Variants in FIGLA observed in about 807,000 individuals in gnomAD.
FIGLA encodes folliculogenesis specific bHLH transcription factor, also known as factor in the germline alpha.
FIGLA carries 17 observed loss-of-function variants against 21.5 expected under a neutral mutation model. That is an observed-to-expected ratio of 0.79 (90% CI 0.54 to 1.19). The LOEUF is 1.19. FIGLA is among the 50% of genes most tolerant of loss of function. The probability of loss-of-function intolerance (pLI) is 0.00; values close to 1 mark genes in which losing one functional copy is unlikely to be tolerated. For missense variants in FIGLA, 282 were observed against 285.0 expected, an observed-to-expected ratio of 0.99 and a Z score of 0.08; for synonymous variants, 129 against 117.6, an observed-to-expected ratio of 1.10 and a Z score of -0.63.
chr2:70,778,846 A>G (rs1309476087), intron 3 of FIGLA, among the ~76,000 whole-genome samples: 2 of 152,190 alleles, frequency 1.3e-5, no homozygotes, highest in African/African-American at 4.8e-5. Context: ...GCACACTCCA[A>G]TTGTTGGCAG....
At position 70,783,182 on chromosome 2, in the gene FIGLA, T is replaced by C. The variant is rs1207487634; in HGVS notation, c.609+2233A>G. 3.3e-5 allele frequency among the ~76,000 whole-genome samples: 5 copies of C among 152,232 alleles called. No individual in the cohort carries two copies. The East Asian group carries it at 9.6e-4, about 29-fold the overall frequency. ...TACAATCAGGCCTCAGAAGTCATAC[T>C]TGACAGAAGTGACATGCACTGTCTA... On this transcript the variant is annotated intron_variant, in intron 3 of 4. Transcript: ENST00000332372.
intron 2 of FIGLA, among the ~76,000 whole-genome samples, chr2:70,786,021 C>T (rs568553560): frequency 2.6e-5 from 4 of 152,172 alleles, no homozygotes; most frequent in East Asian, 1.9e-4. Flanking sequence ...CTCCTGCCAT[C>T]GCAGAATGTA....
Position 70,788,069 on chromosome 2 carries a change from C to T in FIGLA, c.232-268G>A, listed in dbSNP as rs565662289. ...ACTCCTCTTCTTTTGAGAGCATACC[C>T]GCTGTATCATAATGCGGAGGCAGTA... On this transcript the variant is annotated intron_variant, in intron 1 of 4. Transcript: ENST00000332372. Among the ~76,000 whole-genome samples the T allele has an allele frequency of 3.3e-5, 5 of 152,270 alleles. 1 individual carries two copies. Among genetic ancestry groups the T allele is most frequent in the East Asian group, 3.9e-4 (2 of 5,190 alleles).
In FIGLA at chr2:70,785,560, TTTC is replaced by T. The variant is rs782156110; in HGVS notation, c.461_463del (p.Arg154del). ...AGCACAGCTGATATGTTGGGTGATG[TTTC>T]TTGACAGCTGTCTTGCCGAGGATGT... On this transcript the variant is annotated inframe_deletion, in exon 3 of 5. Transcript: ENST00000332372. The T allele has an allele frequency of 5.0e-6, 8 of 1,614,040 alleles. No individual in the cohort carries two copies. The East Asian group carries it at 1.6e-4, about 31-fold the overall frequency.
chr2:70,778,453 T>A (rs782141304), intron 3 of FIGLA, among the ~76,000 whole-genome samples: 1 of 152,206 alleles, frequency 6.6e-6, no homozygotes, highest in African/African-American at 2.4e-5. Flanking sequence ...TTCTTTCTTT[T>A]TATAGTTCAG....
At position 70,790,540 on chromosome 2, in the gene FIGLA, C is replaced by G. The variant is rs1553390755; in HGVS notation, c.99G>C (p.Gln33His). The G allele has an allele frequency of 6.5e-7, 1 of 1,535,842 alleles. No individual in the cohort carries two copies. Among genetic ancestry groups the G allele is most frequent in the Non-Finnish European group, 8.7e-7 (1 of 1,145,494 alleles). The change falls in exon 1 of 5, where the codon CAG becomes CAC. Residue 33 changes from glutamine to histidine, a missense_variant. Gln to His is a conservative substitution (Grantham distance 24). Transcript: ENST00000332372. ...AEVLEDVLRE[Q>H]FGPLPQLAAV... The stretch of plus-strand genomic sequence containing the variant: ...CGGCCAGCTGGGGCAGCGGCCCGAA[C>G]TGCTCCCGCAACACGTCCTCCAGCA...
intron 3 of FIGLA, among the ~76,000 whole-genome samples, chr2:70,784,189 C>T (rs1200326759): frequency 2.6e-5 from 4 of 152,086 alleles, no homozygotes; most frequent in Non-Finnish European, 5.9e-5. Context: ...CAAGGCCGCC[C>T]ACCACCTCTC....
Position 70,790,576 on chromosome 2 carries a change from C to T in FIGLA, c.63G>A (p.Pro21=). 1 of 1,516,594 alleles carries T rather than the reference C, an allele frequency of 6.6e-7. No homozygotes were observed. The highest frequency in any genetic ancestry group is 8.8e-7 in the Non-Finnish European group (1 of 1,138,140). The allele number at this position is 1,516,594 out of a possible 1,614,324, so 93.9% of individuals were successfully genotyped here. Residue 21 remains proline (P), a synonymous_variant, in exon 1 of 5, where the codon CCG becomes CCA. Transcript: ENST00000332372. ...ACACGTCCTCCAGCACCTCGGCTTG[C>T]GGGGTGCCCAGGAGCGCGGGCGGCG... ...RAAPPALLGT[P]QAEVLEDVLR...
rs190145887 is a variant in FIGLA, at chr2:70,787,243, C to T, written c.384+406G>A. On this transcript the variant is annotated intron_variant, in intron 2 of 4. Coordinates refer to ENST00000332372, the MANE Select transcript of FIGLA (RefSeq NM_001004311.3). ...GAGGTTCCTTGGGGAAAAGAAATGC[C>T]TCTTCCTTCCTGTGTCCTGTCTGAT... 4.6e-5 allele frequency among the ~76,000 whole-genome samples: 7 copies of T among 152,286 alleles called. No individual in the cohort carries two copies. The East Asian group carries it at 1.4e-3, about 29-fold the overall frequency.
chr2:70,780,559 T>C (rs1675836179), intron 3 of FIGLA, among the ~76,000 whole-genome samples: 1 of 152,178 alleles, frequency 6.6e-6, no homozygotes, highest in South Asian at 2.1e-4. Context: ...GAGCCCACCC[T>C]GGTTCCTGAT....
intron 3 of FIGLA, among the ~76,000 whole-genome samples, chr2:70,784,426 C>T (rs17038448): frequency 0.49 from 75,204 of 152,094 alleles, 19,043 homozygotes; most frequent in East Asian, 0.74. Flanking sequence ...ACTTTGCTGA[C>T]ATGATATCAT....
At chr2:70,779,380 T>G (rs1675815990) in intron 3 of FIGLA, among the ~76,000 whole-genome samples, 1 of 152,162 alleles carries the variant, frequency 6.6e-6, no homozygotes, top group South Asian at 2.1e-4. Context: ...TCACTTACTG[T>G]GGTAGAAGTT....
intron 1 of FIGLA, among the ~76,000 whole-genome samples, chr2:70,788,506 TATAATTCTGATGTTC>T (rs1294030064): frequency 2.0e-5 from 3 of 152,194 alleles, no homozygotes; most frequent in African/African-American, 7.2e-5. Flanking sequence ...TCTGAAGGCC[TATAATTCTGATGTTC>T]ATCCCCCTGG....
intron 3 of FIGLA, among the ~76,000 whole-genome samples, chr2:70,778,744 G>C (rs1553388695): frequency 6.6e-6 from 1 of 152,102 alleles, no homozygotes; most frequent in African/African-American, 2.4e-5. Flanking sequence ...TTGGCTGTTG[G>C]TCTCATCTAA....
chr2:70,787,617 G>A lies in FIGLA; in HGVS notation c.384+32C>T, dbSNP rs377288181. On this transcript the variant is annotated intron_variant, in intron 2 of 4. Coordinates refer to ENST00000332372, the MANE Select transcript of FIGLA (RefSeq NM_001004311.3). The stretch of plus-strand genomic sequence containing the variant: ...CATAGAAAAGGCCTAATAAATGGTG[G>A]CTATCATTATTCTAAAATCTTACAC... 17 of 1,544,228 alleles carry A rather than the reference G, an allele frequency of 1.1e-5. No homozygotes were observed. In the African/African-American group the frequency reaches 2.1e-4, roughly 19 times the overall value.
chr2:70,787,812 A>C lies in FIGLA; in HGVS notation c.232-11T>G, dbSNP rs1452955834. 1.9e-6 allele frequency: 3 copies of C among 1,611,366 alleles called. No individual in the cohort carries two copies. The highest frequency in any genetic ancestry group is 2.5e-6 in the Non-Finnish European group (3 of 1,179,338). On this transcript the variant is annotated splice_polypyrimidine_tract_variant and intron_variant, in intron 1 of 4. Transcript: ENST00000332372. ...GTTGAGATTTTTTATCTAGAAAACA[A>C]AAAGGCACAGTAACACACAGAGAAG...
Position 70,785,648 on chromosome 2 carries a change from C to T in FIGLA, c.385-9G>A, listed in dbSNP as rs200634802. On this transcript the variant is annotated splice_polypyrimidine_tract_variant and intron_variant, in intron 2 of 4. Transcript: ENST00000332372. ...TCATCTGGGTCTTGTTTCTGGAAACCATATTTAGTTGTCAAACAGTATAAT... is the reference window on the plus strand; with the variant it reads ...TCATCTGGGTCTTGTTTCTGGAAACTATATTTAGTTGTCAAACAGTATAAT... 25 of 1,602,930 alleles carry T rather than the reference C, an allele frequency of 1.6e-5. No individual in the cohort carries two copies. In the East Asian group the frequency reaches 3.6e-4, roughly 23 times the overall value.
intron 1 of FIGLA, among the ~76,000 whole-genome samples, chr2:70,788,766 C>T (rs1410066080): frequency 2.0e-5 from 3 of 152,282 alleles, no homozygotes; most frequent in East Asian, 3.9e-4. Context: ...TTATCATACC[C>T]AGGATAAGGG....
At chr2:70,786,850 T>C (rs1299335917) in intron 2 of FIGLA, among the ~76,000 whole-genome samples, 2 of 152,166 alleles carry the variant, frequency 1.3e-5, no homozygotes, top group African/African-American at 4.8e-5. Flanking sequence ...TGACCCCATC[T>C]TGTTCCTCTA....
Sources: gnomAD v4.1 joint callset for allele counts (sites outside exome capture counted in the v4.1 genomes callset) on GRCh38, gnomAD v4.1.1 for gene constraint, MANE v1.5 for transcripts, NCBI Gene and HGNC (gene_info 2026-07-23, HGNC 2026-07-21) for gene names.